Variants in PC observed in about 807,000 individuals in gnomAD.
PC encodes pyruvate carboxylase, mitochondrial.
A neutral mutation model predicts 107.8 loss-of-function variants in PC; 46 were observed. The observed-to-expected ratio is 0.43, with a 90% CI of 0.34 to 0.55. The LOEUF (loss-of-function observed/expected upper bound fraction) is 0.55, where lower values mean the gene tolerates loss of function less well. Ranked by LOEUF, PC falls within the 20% of genes least tolerant of loss-of-function variation. The pLI is 0.04. For missense variants in PC, 1,241 were observed against 1,643.1 expected (o/e 0.76, Z 4.23); for synonymous variants, 662 against 684.7 (o/e 0.97, Z 0.52).
chr11:66,903,800 CCA>C (rs1948058513), intron 3 of PC, among the ~76,000 whole-genome samples: 1 of 120,846 alleles, frequency 8.3e-6, no homozygotes, highest in Non-Finnish European at 1.8e-5. Context: ...ATACACACAC[CCA>C]CACACACCCA....
intron 3 of PC, chr11:66,919,771 A>G (rs1948550075): frequency 1.3e-5 from 2 of 152,216 alleles, no homozygotes; most frequent in South Asian, 2.1e-4. Context: ...TTAGTGTTAC[A>G]GCACTTTTAG....
At chr11:66,883,615 G>T (rs1728488012) in intron 3 of PC, among the ~76,000 whole-genome samples, 1 of 152,176 alleles carries the variant, frequency 6.6e-6, no homozygotes, top group Non-Finnish European at 1.5e-5. Context: ...GACCCGTCTT[G>T]TCTCCTTTAA....
Position 66,852,412 on chromosome 11 carries a change from C to T in PC, c.1825+27G>A. On this transcript the variant is annotated intron_variant, in intron 15 of 22. Transcript: ENST00000393960. The surrounding 1 kb of genome is among the most constrained non-coding windows in gnomAD (Gnocchi z 4.7). Reference sequence around the variant, plus strand: ...CCACAGAGCGGGCGCCCATTCCTACCAGGCGCTGCGCAGCATGCCAGCCTA... The same window carrying T: ...CCACAGAGCGGGCGCCCATTCCTACTAGGCGCTGCGCAGCATGCCAGCCTA... The T allele has an allele frequency of 1.9e-6, 3 of 1,588,308 alleles. No individual in the cohort carries two copies. The highest frequency in any genetic ancestry group is 2.6e-6 in the Non-Finnish European group (3 of 1,156,888).
At chr11:66,894,715 C>CTCT (rs1947690161) in intron 3 of PC, among the ~76,000 whole-genome samples, 2 of 152,194 alleles carry the variant, frequency 1.3e-5, no homozygotes, top group South Asian at 4.1e-4. Context: ...AGAGGGCAGG[C>CTCT]TGAAAGCTTT....
intron 9 of PC, 108 bp from the exon 10 acceptor site, chr11:66,869,072 G>C (rs1946619620): frequency 1.2e-6 from 1 of 843,910 alleles, no homozygotes; most frequent in African/African-American, 1.7e-5. Context: ...TTCCGTAAAA[G>C]AATGGCCTGT....
At chr11:66,933,954 A>G (rs976144838) in intron 3 of PC, among the ~76,000 whole-genome samples, 6 of 152,120 alleles carry the variant, frequency 3.9e-5, no homozygotes, top group Admixed American at 2.0e-4. Flanking sequence ...ACGCCCCACC[A>G]GCACACTCCA....
chr11:66,874,056 T>C (rs930984852), intron 3 of PC, among the ~76,000 whole-genome samples: 40 of 151,964 alleles, frequency 2.6e-4, no homozygotes, highest in Admixed American at 1.3e-4. Context: ...GCCTCCTGGG[T>C]TCGAGTGATT....
At chr11:66,903,466 G>A (rs1357726534) in intron 3 of PC, among the ~76,000 whole-genome samples, 2 of 151,574 alleles carry the variant, frequency 1.3e-5, no homozygotes, top group Admixed American at 1.3e-4. Flanking sequence ...TTGGCTGGGC[G>A]TGGTGGCTCA....
intron 3 of PC, among the ~76,000 whole-genome samples, chr11:66,923,380 C>A (rs868271063): frequency 8.2e-3 from 849 of 103,774 alleles, no homozygotes; most frequent in Middle Eastern, 0.015. Context: ...GACTCCGTCT[C>A]AAAAAAAAAA....
Position 66,851,237 on chromosome 11 carries a change from C to G in PC, c.2026G>C (p.Val676Leu). The G allele has an allele frequency of 6.2e-7, 1 of 1,604,454 alleles. No homozygotes were observed. Among genetic ancestry groups the G allele is most frequent in the Non-Finnish European group, 8.5e-7 (1 of 1,179,962 alleles). Reference protein sequence around the residue: ...AKENGMDVFRVFDSLNYLPNM... With the variant: ...AKENGMDVFRLFDSLNYLPNM... ...GGCAAGTAGTTGAGGGAGTCAAACA[C>G]ACGGAAGACATCCATGCCATTCTCT... Residue 676 changes from valine to leucine, a missense_variant, in exon 17 of 23, where the codon GTG becomes CTG. Physicochemically the swap from Val to Leu is conservative, Grantham distance 32. Transcript: ENST00000393960.
intron 3 of PC, among the ~76,000 whole-genome samples, chr11:66,925,536 C>T (rs549746865): frequency 8.5e-5 from 13 of 152,256 alleles, no homozygotes; most frequent in South Asian, 2.1e-4. Flanking sequence ...CCCTGAACAT[C>T]GCTGTTATCC....
At chr11:66,951,551 T>C (rs1166376587) in intron 3 of PC, among the ~76,000 whole-genome samples, 1 of 151,900 alleles carries the variant, frequency 6.6e-6, no homozygotes, top group Admixed American at 6.6e-5. Context: ...AGGTCAGGAG[T>C]TCGAGACCAG....
At position 66,866,299 on chromosome 11, in the gene PC, G is replaced by C. The variant is rs1189907044; in HGVS notation, c.1073C>G (p.Pro358Arg). The part of the protein sequence containing the change: ...QIHVAEGRSL[P>R]DLGLRQENIR... ...GTTCTCCTGCCGCAGGCCCAGGTCGGGTAGGCTCCTGCCCTCAGCCACGTG... is the reference window on the plus strand; with the variant it reads ...GTTCTCCTGCCGCAGGCCCAGGTCGCGTAGGCTCCTGCCCTCAGCCACGTG... The change falls in exon 11 of 23, where the codon CCC (proline) becomes CGC (arginine). Residue 358 changes from proline (P) to arginine (R), a missense_variant. Physicochemically the swap from Pro to Arg is moderately radical, Grantham distance 103. This residue lies in a region of PC where 1,143 missense variants were observed against 1,551.9 expected (regional missense o/e 0.74). Transcript: ENST00000393960. This position sits in a 1 kb window ranked among gnomAD's most constrained non-coding sequence, Gnocchi z 5.4. 6.2e-7 allele frequency: 1 copy of C among 1,613,230 alleles called. No homozygotes were observed. Among genetic ancestry groups the C allele is most frequent in the Non-Finnish European group, 8.5e-7 (1 of 1,179,914 alleles).
At chr11:66,864,983 ACT>A (rs1424980546) in intron 11 of PC, among the ~76,000 whole-genome samples, 5 of 152,034 alleles carry the variant, frequency 3.3e-5, no homozygotes, top group Non-Finnish European at 1.5e-5. Flanking sequence ...AAGGGTGAAC[ACT>A]CAGCTGAGAG....
intron 1 of PC, chr11:66,958,040 G>C (rs1374570595): frequency 6.6e-6 from 1 of 151,670 alleles, no homozygotes; most frequent in Non-Finnish European, 1.5e-5. Flanking sequence ...GCCCGCAGGC[G>C]GACGCTGCGG....
intron 3 of PC, among the ~76,000 whole-genome samples, chr11:66,878,650 G>A (rs549021380): frequency 1.3e-5 from 2 of 152,268 alleles, no homozygotes; most frequent in South Asian, 4.1e-4. Flanking sequence ...TGTGGGCAGC[G>A]GGGGGCACAG....
At chr11:66,859,413 G>A (rs1305839790) in intron 12 of PC, among the ~76,000 whole-genome samples, 1 of 152,174 alleles carries the variant, frequency 6.6e-6, no homozygotes, top group Admixed American at 6.5e-5. Flanking sequence ...TGCCTCTGCT[G>A]GTGCCATCCC....
intron 3 of PC, among the ~76,000 whole-genome samples, chr11:66,923,716 C>T (rs1295065867): frequency 1.3e-5 from 2 of 151,688 alleles, no homozygotes; most frequent in African/African-American, 4.8e-5. Context: ...GATGGGGTTT[C>T]ACCACATTGG....
intron 3 of PC, among the ~76,000 whole-genome samples, chr11:66,936,626 T>C (rs1176694930): frequency 6.6e-6 from 1 of 152,116 alleles, no homozygotes; most frequent in Non-Finnish European, 1.5e-5. Context: ...CAATATGGTA[T>C]GAAGGGTGAA....
Sources: gnomAD v4.1 joint callset for allele counts (sites outside exome capture counted in the v4.1 genomes callset) on GRCh38, gnomAD v4.1.1 for gene constraint, gnomAD v4.1.1 regional missense constraint, Gnocchi (gnomAD v3.1) non-coding constraint, MANE v1.5 for transcripts, NCBI Gene and HGNC (gene_info 2026-07-23, HGNC 2026-07-21) for gene names.